The following UBE2E3 variants were observed in gnomAD, a reference collection of about 807,000 sequenced individuals.
UBE2E3 encodes the protein ubiquitin-conjugating enzyme E2 E3.
UBE2E3 carries 5 observed loss-of-function variants against 23.6 expected under a neutral mutation model. The observed-to-expected ratio is 0.21, with a 90% CI of 0.11 to 0.44. The LOEUF (loss-of-function observed/expected upper bound fraction) is 0.44. UBE2E3 is among the 20% of genes least tolerant of loss of function. The pLI is 0.99. For synonymous variants in UBE2E3, 78 were observed against 87.5 expected (o/e 0.89, Z 0.60); for missense variants, 81 against 249.8 (o/e 0.32, Z 4.55).
At chr2:181,018,082 T>C (rs1174175351) in intron 3 of UBE2E3, among the ~76,000 whole-genome samples, 1 of 152,144 alleles carries the variant, frequency 6.6e-6, no homozygotes, top group Non-Finnish European at 1.5e-5. Flanking sequence ...GCTGCTACAG[T>C]GATTGTGCTT....
At chr2:180,988,313 G>A (rs1684544990) in intron 3 of UBE2E3, among the ~76,000 whole-genome samples, 1 of 152,074 alleles carries the variant, frequency 6.6e-6, no homozygotes, top group Non-Finnish European at 1.5e-5. Context: ...TTGAGTACAA[G>A]TACATAACAA....
intron 3 of UBE2E3, among the ~76,000 whole-genome samples, chr2:180,999,358 T>C (rs1684928074): frequency 6.6e-6 from 1 of 152,212 alleles, no homozygotes; most frequent in Admixed American, 6.5e-5. Flanking sequence ...TTTTGGTTGT[T>C]TCCACCTTTT....
At chr2:180,983,049 C>T (rs569706377) in intron 2 of UBE2E3, among the ~76,000 whole-genome samples, 1 of 152,224 alleles carries the variant, frequency 6.6e-6, no homozygotes, top group Non-Finnish European at 1.5e-5. Context: ...AGACTCTTAT[C>T]AGTGGTAGTA....
intron 3 of UBE2E3, among the ~76,000 whole-genome samples, chr2:180,995,258 C>T (rs1194382550): frequency 6.6e-6 from 1 of 152,076 alleles, no homozygotes. Flanking sequence ...AGAGAAAAGT[C>T]ATGACTTTAC....
chr2:181,042,823 T>C (rs1196801657), intron 3 of UBE2E3, among the ~76,000 whole-genome samples: 1 of 152,232 alleles, frequency 6.6e-6, no homozygotes, highest in African/African-American at 2.4e-5. Context: ...TCAGCTTCAC[T>C]ATAACCCCAA....
At chr2:181,060,297 G>A (rs919758008) in intron 4 of UBE2E3, among the ~76,000 whole-genome samples, 3 of 151,146 alleles carry the variant, frequency 2.0e-5, no homozygotes, top group Admixed American at 6.6e-5. Context: ...TCTTACCTTC[G>A]GCACCAAAAC....
At chr2:181,006,176 C>T (rs577575730) in intron 3 of UBE2E3, among the ~76,000 whole-genome samples, 8 of 152,138 alleles carry the variant, frequency 5.3e-5, no homozygotes, top group African/African-American at 1.7e-4. Context: ...GGTCAGAATT[C>T]GTATCACCAG....
intron 3 of UBE2E3, among the ~76,000 whole-genome samples, chr2:181,029,445 G>A (rs371512683): frequency 9.9e-5 from 15 of 151,680 alleles, no homozygotes; most frequent in Admixed American, 6.6e-5. Flanking sequence ...CATTTATTTA[G>A]GATTTCTTTA....
intron 3 of UBE2E3, among the ~76,000 whole-genome samples, chr2:181,031,219 T>C (rs1686067739): frequency 6.6e-6 from 1 of 152,164 alleles, no homozygotes; most frequent in Non-Finnish European, 1.5e-5. Flanking sequence ...AAATATCTCT[T>C]CTCTGATTGT....
intron 3 of UBE2E3, among the ~76,000 whole-genome samples, chr2:181,052,411 A>T (rs1362838883): frequency 6.6e-6 from 1 of 151,940 alleles, no homozygotes; most frequent in East Asian, 1.9e-4. Context: ...TTAAAAGCAT[A>T]AAACAAAACA....
intron 3 of UBE2E3, among the ~76,000 whole-genome samples, chr2:181,008,991 G>A (rs1685235051): frequency 1.3e-5 from 2 of 151,098 alleles, no homozygotes; most frequent in Admixed American, 6.6e-5. Flanking sequence ...AACATCATTG[G>A]ATCTTGATGC....
chr2:180,982,377 C>G (rs769675700), intron 2 of UBE2E3, 141 bp downstream of exon 2: 62 of 786,376 alleles, frequency 7.9e-5, no homozygotes, highest in Non-Finnish European at 1.3e-4. Context: ...AATGAGTTGT[C>G]ATTCTTTAGG....
chr2:181,031,558 A>G (rs1202041742), intron 3 of UBE2E3, among the ~76,000 whole-genome samples: 1 of 151,992 alleles, frequency 6.6e-6, no homozygotes, highest in East Asian at 1.9e-4. Context: ...GTTTGTTTGT[A>G]TTCATTATGA....
chr2:181,047,639 T>C (rs1686710671), intron 3 of UBE2E3, among the ~76,000 whole-genome samples: 2 of 152,106 alleles, frequency 1.3e-5, no homozygotes, highest in South Asian at 4.1e-4. Flanking sequence ...TTGTTTTGTT[T>C]TGTTTTTTTC....
chr2:181,039,528 T>A (rs553052827), intron 3 of UBE2E3, among the ~76,000 whole-genome samples: 1 of 152,182 alleles, frequency 6.6e-6, no homozygotes, highest in African/African-American at 2.4e-5. Context: ...CCCAGCACTT[T>A]GGGATTTCGA....
At chr2:181,018,538 A>G (rs1029034878) in intron 3 of UBE2E3, among the ~76,000 whole-genome samples, 1 of 150,562 alleles carries the variant, frequency 6.6e-6, no homozygotes, top group African/African-American at 2.4e-5. Flanking sequence ...AGGGGAGTAT[A>G]GTAGTAAAAC....
At chr2:181,042,960 T>C (rs1686560168) in intron 3 of UBE2E3, among the ~76,000 whole-genome samples, 1 of 152,210 alleles carries the variant, frequency 6.6e-6, no homozygotes, top group African/African-American at 2.4e-5. Context: ...AGTTTACTGC[T>C]TCCTCTTTTA....
chr2:181,042,987 T>C (rs1441354044), intron 3 of UBE2E3, among the ~76,000 whole-genome samples: 1 of 152,330 alleles, frequency 6.6e-6, no homozygotes, highest in South Asian at 2.1e-4. Flanking sequence ...CAAGAAAGAT[T>C]GTTCAGAAGA....
intron 3 of UBE2E3, among the ~76,000 whole-genome samples, chr2:181,041,795 C>G (rs1318929644): frequency 2.0e-5 from 3 of 152,156 alleles, no homozygotes; most frequent in Admixed American, 6.5e-5. Flanking sequence ...CCAGTGCTTT[C>G]ACTAGGTGAA....
Sources: gnomAD v4.1 joint callset for allele counts (sites outside exome capture counted in the v4.1 genomes callset) on GRCh38, gnomAD v4.1.1 for gene constraint, MANE v1.5 for transcripts, NCBI Gene and HGNC (gene_info 2026-07-23, HGNC 2026-07-21) for gene names.